FRAS1: variants seen among roughly 807,000 people sequenced by gnomAD.
The protein encoded by FRAS1 is extracellular matrix organizing protein FRAS1.
Under a neutral mutation model 435.2 loss-of-function variants are expected in FRAS1, and 290 were observed. That is an observed-to-expected ratio of 0.67 (90% CI 0.61 to 0.73). The LOEUF (loss-of-function observed/expected upper bound fraction) is 0.73, where lower values mean the gene tolerates loss of function less well. Ranked by LOEUF, FRAS1 falls within the 30% of genes least tolerant of loss-of-function variation. The pLI, the probability that FRAS1 is intolerant of heterozygous loss-of-function variation, is 0.00. For synonymous variants in FRAS1, 1,800 were observed against 1,851.0 expected, an observed-to-expected ratio of 0.97 and a Z score of 0.71; for missense variants, 4,860 against 5,001.5, an observed-to-expected ratio of 0.97 and a Z score of 0.85.
chr4:78,209,764 T>C (rs1723424961), intron 2 of FRAS1, among the ~76,000 whole-genome samples: 1 of 152,194 alleles, frequency 6.6e-6, no homozygotes, highest in African/African-American at 2.4e-5. Context: ...CAGGATCATA[T>C]TGAAACTGAC....
chr4:78,445,185 C>T (rs1324970396), intron 41 of FRAS1, among the ~76,000 whole-genome samples: 3 of 152,148 alleles, frequency 2.0e-5, no homozygotes, highest in Non-Finnish European at 2.9e-5. Flanking sequence ...TGTCACTTGC[C>T]CTAGTAACAG....
At chr4:78,297,399 G>T (rs1578235077) in intron 14 of FRAS1, among the ~76,000 whole-genome samples, 2 of 152,342 alleles carry the variant, frequency 1.3e-5, no homozygotes, top group South Asian at 2.1e-4. Context: ...CTTACACGAA[G>T]TGCTTTTAAT....
intron 20 of FRAS1, among the ~76,000 whole-genome samples, chr4:78,343,326 ATATTTATACT>A (rs1730471993): frequency 6.6e-6 from 1 of 152,110 alleles, no homozygotes; most frequent in Admixed American, 6.5e-5. Context: ...TAACTAACTG[ATATTTATACT>A]TTGAACAATT....
chr4:78,257,444 G>C (rs79038187), intron 6 of FRAS1, among the ~76,000 whole-genome samples: 1,524 of 152,188 alleles, frequency 0.01, 22 homozygotes, highest in African/African-American at 0.035. Context: ...TAAATATAAG[G>C]GAAACACAAG....
intron 2 of FRAS1, among the ~76,000 whole-genome samples, chr4:78,144,410 C>T (rs575179601): frequency 1.3e-4 from 20 of 151,620 alleles, no homozygotes; most frequent in Non-Finnish European, 1.2e-4. Flanking sequence ...AAACCATCAT[C>T]TTTTCTTTTC....
intron 14 of FRAS1, among the ~76,000 whole-genome samples, chr4:78,306,385 G>A (rs62097541): frequency 0.22 from 28,187 of 129,530 alleles, 3,478 homozygotes; most frequent in East Asian, 0.28. Context: ...CGTTCTCTGT[G>A]TTTCCTGAAT....
At chr4:78,289,329 A>T (rs993486716) in intron 14 of FRAS1, among the ~76,000 whole-genome samples, 2 of 152,220 alleles carry the variant, frequency 1.3e-5, no homozygotes. Context: ...TACTATTGTT[A>T]CATATTTTGC....
At chr4:78,136,474 G>C (rs1205798641) in intron 2 of FRAS1, among the ~76,000 whole-genome samples, 1 of 152,146 alleles carries the variant, frequency 6.6e-6, no homozygotes, top group Non-Finnish European at 1.5e-5. Flanking sequence ...AGGATCAACT[G>C]TATACTTTTT....
intron 2 of FRAS1, among the ~76,000 whole-genome samples, chr4:78,199,446 A>G (rs1275699686): frequency 6.6e-6 from 1 of 152,168 alleles, no homozygotes; most frequent in Non-Finnish European, 1.5e-5. Flanking sequence ...ATCTATTTTT[A>G]TGAGAAAGAA....
At chr4:78,497,338 G>T (rs1400870027) in intron 60 of FRAS1, among the ~76,000 whole-genome samples, 3 of 151,938 alleles carry the variant, frequency 2.0e-5, no homozygotes, top group African/African-American at 7.3e-5. Flanking sequence ...CACCTTCCTG[G>T]AAAAGTCTAA....
chr4:78,284,403 A>G lies in FRAS1; in HGVS notation c.1256-2A>G. On this transcript the variant is annotated splice_acceptor_variant, in intron 12 of 73. Coordinates refer to ENST00000512123, the MANE Select transcript of FRAS1 (RefSeq NM_025074.7). LOFTEE classifies it high-confidence loss of function. ...TCTCCCCTTCTTTGTCCTTGATTTC[A>G]GTTCATTGCCATCCAGATTGTTTGA... 6.2e-7 allele frequency: 1 copy of G among 1,613,772 alleles called. No individual in the cohort carries two copies. The highest frequency in any genetic ancestry group is 8.5e-7 in the Non-Finnish European group (1 of 1,179,794).
chr4:78,471,921 C>T (rs1287692383), intron 51 of FRAS1, among the ~76,000 whole-genome samples: 1 of 152,156 alleles, frequency 6.6e-6, no homozygotes, highest in Non-Finnish European at 1.5e-5. Context: ...GTGTGCAGCC[C>T]TCTTTTTATG....
rs747766655 is a variant in FRAS1, at chr4:78,136,061, C to G, written c.108+70045C>G. Reference sequence around the variant, plus strand: ...TTCACACCTTTGAACTCATGGCTAACAGCACTATAACTCATGGCTGAGTGA... The same window carrying G: ...TTCACACCTTTGAACTCATGGCTAAGAGCACTATAACTCATGGCTGAGTGA... On this transcript the variant is annotated intron_variant, in intron 2 of 73. Coordinates refer to ENST00000512123, the MANE Select transcript of FRAS1 (RefSeq NM_025074.7). Among the ~76,000 whole-genome samples, 31 of 152,198 alleles carry G rather than the reference C, an allele frequency of 2.0e-4. 1 individual carries two copies. Among genetic ancestry groups the G allele is most frequent in the Non-Finnish European group, 4.1e-4 (28 of 68,042 alleles).
chr4:78,203,392 T>A (rs939214249), intron 2 of FRAS1, among the ~76,000 whole-genome samples: 1 of 152,164 alleles, frequency 6.6e-6, no homozygotes, highest in African/African-American at 2.4e-5. Context: ...AACTAAAATT[T>A]GTTTGTAACC....
rs184195285 is a variant in FRAS1 at position 78,467,715 on chromosome 4, C to T, written c.7257+1280C>T. 2.0e-3 allele frequency among the ~76,000 whole-genome samples: 305 copies of T among 152,282 alleles called. 4 individuals carry two copies. Among genetic ancestry groups the T allele is most frequent in the Non-Finnish European group, 2.0e-3 (137 of 68,004 alleles). ...ACAGTGTATGAGGGTTCCCTTTTCT[C>T]CACATTCTCATTAGCATTTTTTATT... On this transcript the variant is annotated intron_variant, in intron 50 of 73. Coordinates refer to ENST00000512123, the MANE Select transcript of FRAS1 (RefSeq NM_025074.7).
intron 65 of FRAS1, among the ~76,000 whole-genome samples, chr4:78,515,504 C>G (rs1461991219): frequency 6.6e-6 from 1 of 152,128 alleles, no homozygotes; most frequent in Non-Finnish European, 1.5e-5. Context: ...GAGAGTTTTC[C>G]TTTCCAAGTT....
chr4:78,164,009 T>C (rs919216402), intron 2 of FRAS1, among the ~76,000 whole-genome samples: 1 of 152,192 alleles, frequency 6.6e-6, no homozygotes. Context: ...AGGATCACAT[T>C]GGCCACCTGG....
intron 29 of FRAS1, among the ~76,000 whole-genome samples, chr4:78,396,813 A>T (rs540940833): frequency 6.6e-6 from 1 of 152,244 alleles, no homozygotes; most frequent in East Asian, 1.9e-4. Context: ...GAAGTGTTCT[A>T]TTGAATTTTT....
chr4:78,530,246 C>T (rs910455005), intron 70 of FRAS1, among the ~76,000 whole-genome samples: 2 of 151,858 alleles, frequency 1.3e-5, no homozygotes, highest in Non-Finnish European at 2.9e-5. Flanking sequence ...TTGAAACTGG[C>T]TAAAAGGATC....
Sources: allele counts gnomAD v4.1 joint callset (sites outside exome capture counted in the v4.1 genomes callset), GRCh38; gene constraint gnomAD v4.1.1; transcripts MANE v1.5; gene names NCBI Gene and HGNC (gene_info 2026-07-23, HGNC 2026-07-21).